The following SMAP1 variants were observed in gnomAD, a reference collection of about 807,000 sequenced individuals.
SMAP1 encodes the protein small ArfGAP 1.
SMAP1 carries 24 observed loss-of-function variants against 58.5 expected under a neutral mutation model. That is an observed-to-expected ratio of 0.41 (90% CI 0.30 to 0.58). The LOEUF is 0.58. Ranked by LOEUF, SMAP1 falls within the 20% of genes least tolerant of loss-of-function variation. The pLI is 0.29. For synonymous variants in SMAP1, 216 were observed against 196.6 expected (o/e 1.10, Z -0.82); for missense variants, 563 against 566.3 (o/e 0.99, Z 0.06).
intron 4 of SMAP1, among the ~76,000 whole-genome samples, chr6:70,788,747 T>A (rs754749030): frequency 6.6e-6 from 1 of 152,016 alleles, no homozygotes; most frequent in Non-Finnish European, 1.5e-5. Context: ...GAGGAAAGAA[T>A]AGGGGGATAA....
intron 5 of SMAP1, among the ~76,000 whole-genome samples, chr6:70,792,110 TAAAG>T (rs575476160): frequency 1.0e-3 from 159 of 152,306 alleles, no homozygotes; most frequent in African/African-American, 1.7e-3. Flanking sequence ...TAAAAGCACT[TAAAG>T]AAAGTTAATG....
At chr6:70,764,034 T>A (rs1766861033) in intron 3 of SMAP1, among the ~76,000 whole-genome samples, 1 of 151,692 alleles carries the variant, frequency 6.6e-6, no homozygotes, top group South Asian at 2.1e-4. Context: ...TGCCTCAGCC[T>A]CCTGAGTAGC....
At chr6:70,744,999 T>G (rs1028703013) in intron 2 of SMAP1, among the ~76,000 whole-genome samples, 28 of 152,224 alleles carry the variant, frequency 1.8e-4, no homozygotes, top group African/African-American at 6.8e-4. Context: ...TCATATCCTT[T>G]GTCCACTTTT....
intron 1 of SMAP1, among the ~76,000 whole-genome samples, chr6:70,703,180 G>A (rs1767705778): frequency 2.0e-5 from 3 of 152,018 alleles, no homozygotes; most frequent in Admixed American, 2.0e-4. Context: ...GGGCTCAAGC[G>A]ATTCTCCTGC....
chr6:70,815,559 G>T (rs1769584148), intron 6 of SMAP1, among the ~76,000 whole-genome samples: 1 of 152,112 alleles, frequency 6.6e-6, no homozygotes. Context: ...TGCCGAGCAG[G>T]TGACCTATAG....
chr6:70,732,046 A>G (rs936591984), intron 1 of SMAP1, among the ~76,000 whole-genome samples: 2 of 152,160 alleles, frequency 1.3e-5, no homozygotes, highest in Non-Finnish European at 2.9e-5. Context: ...TGCATTTAAT[A>G]AAGAAATTAT....
At chr6:70,686,747 A>G (rs541992815) in intron 1 of SMAP1, among the ~76,000 whole-genome samples, 1 of 152,328 alleles carries the variant, frequency 6.6e-6, no homozygotes, top group South Asian at 2.1e-4. Flanking sequence ...GCTGGTGAAA[A>G]TGCGTTATTG....
chr6:70,709,369 C>T (rs1018696866), intron 1 of SMAP1, among the ~76,000 whole-genome samples: 3 of 151,992 alleles, frequency 2.0e-5, no homozygotes, highest in East Asian at 1.9e-4. Flanking sequence ...GACAGGCTCT[C>T]GCTCTGTTGC....
chr6:70,813,604 C>T (rs190221321), intron 6 of SMAP1, among the ~76,000 whole-genome samples: 50 of 152,136 alleles, frequency 3.3e-4, no homozygotes, highest in African/African-American at 1.1e-3. Flanking sequence ...CCCTCCCTCT[C>T]ACCCATCCCC....
At chr6:70,794,240 G>C (rs1283455419) in intron 5 of SMAP1, among the ~76,000 whole-genome samples, 1 of 152,102 alleles carries the variant, frequency 6.6e-6, no homozygotes, top group Admixed American at 6.6e-5. Flanking sequence ...TTCTTGCTGA[G>C]AAAATAGTTT....
intron 6 of SMAP1, among the ~76,000 whole-genome samples, chr6:70,815,700 A>T (rs1313661149): frequency 6.6e-6 from 1 of 152,196 alleles, no homozygotes; most frequent in African/African-American, 2.4e-5. Flanking sequence ...AAATAAGCTC[A>T]AAAGGCAGTT....
intron 3 of SMAP1, among the ~76,000 whole-genome samples, chr6:70,756,810 AG>A (rs1471364813): frequency 5.3e-5 from 8 of 152,202 alleles, no homozygotes; most frequent in Non-Finnish European, 1.2e-4. Context: ...CCAACTTACA[AG>A]GGATGTGAAG....
rs988551469 is a variant in SMAP1, at chr6:70,693,600, C to T, written c.118+25459C>T. 2.0e-5 allele frequency among the ~76,000 whole-genome samples: 3 copies of T among 152,080 alleles called. No individual in the cohort carries two copies. The East Asian group carries it at 5.8e-4, about 29-fold the overall frequency. ...TACAGGCATGAGCCACCGTGCCTGG[C>T]CATCATTGTATTTTAATAGGGATTG... is the stretch of plus-strand genomic sequence containing the variant. On this transcript the variant is annotated intron_variant, in intron 1 of 10. Transcript: ENST00000370455.
chr6:70,808,823 G>GT lies in SMAP1; in HGVS notation c.576+10098dup, dbSNP rs375535500. 4.5e-3 allele frequency among the ~76,000 whole-genome samples: 634 copies of GT among 141,684 alleles called. 2 individuals carry two copies. Among genetic ancestry groups the GT allele is most frequent in the African/African-American group, 0.012 (453 of 38,902 alleles). The allele number at this position is 141,684 out of a possible 152,430, so 93.0% of individuals were successfully genotyped here. A position where few individuals can be genotyped will look rare whatever the true frequency, so the allele number is the denominator to read the frequency against. ...ATTAGTTACTGCTCTCTTTAATCAGGTTTTTTTTTTTTCTGTTAAAACACA... is the reference window on the plus strand; with the variant it reads ...ATTAGTTACTGCTCTCTTTAATCAGGTTTTTTTTTTTTTCTGTTAAAACACA... On this transcript the variant is annotated intron_variant, in intron 6 of 10. Coordinates refer to ENST00000370455, the MANE Select transcript of SMAP1 (RefSeq NM_001044305.3).
chr6:70,775,995 T>C (rs1404665034), intron 4 of SMAP1, among the ~76,000 whole-genome samples: 1 of 152,110 alleles, frequency 6.6e-6, no homozygotes, highest in Non-Finnish European at 1.5e-5. Context: ...TCCAAATAAA[T>C]TTGGATCACT....
At chr6:70,685,469 A>G (rs1766899001) in intron 1 of SMAP1, among the ~76,000 whole-genome samples, 1 of 152,184 alleles carries the variant, frequency 6.6e-6, no homozygotes, top group Admixed American at 6.5e-5. Flanking sequence ...ATTCAGAGAA[A>G]GTAAAAATCA....
chr6:70,752,396 G>A (rs571804220), intron 2 of SMAP1, among the ~76,000 whole-genome samples: 53 of 152,220 alleles, frequency 3.5e-4, no homozygotes, highest in African/African-American at 1.3e-3. Flanking sequence ...TAGAATCTTA[G>A]GCCTGTTACT....
At chr6:70,791,098 T>A (rs1018130046) in intron 4 of SMAP1, among the ~76,000 whole-genome samples, 2 of 152,214 alleles carry the variant, frequency 1.3e-5, no homozygotes, top group African/African-American at 2.4e-5. Context: ...TGTCTGCTGA[T>A]CTTAATGAAG....
intron 9 of SMAP1, chr6:70,857,716 C>A: frequency 1.8e-6 from 1 of 564,332 alleles, no homozygotes. Flanking sequence ...TAAATTTACT[C>A]AGGTTAATAA....
Sources: gnomAD v4.1 joint callset for allele counts (sites outside exome capture counted in the v4.1 genomes callset) on GRCh38, gnomAD v4.1.1 for gene constraint, MANE v1.5 for transcripts, NCBI Gene and HGNC (gene_info 2026-07-23, HGNC 2026-07-21) for gene names.